The following NKAIN2 variants were observed in gnomAD, a reference collection of about 807,000 sequenced individuals.
The protein encoded by NKAIN2 is sodium/potassium transporting ATPase interacting 2.
Under a neutral mutation model 32.6 loss-of-function variants are expected in NKAIN2, and 14 were observed. The observed-to-expected ratio is 0.43, with a 90% CI of 0.28 to 0.67. The LOEUF (loss-of-function observed/expected upper bound fraction) is 0.67. Among genes scored for constraint, NKAIN2 ranks in the 30% least tolerant of loss-of-function variants. The probability of loss-of-function intolerance (pLI) is 0.17; values close to 1 mark genes in which losing one functional copy is unlikely to be tolerated. For synonymous variants in NKAIN2, 80 were observed against 87.2 expected, an observed-to-expected ratio of 0.92 and a Z score of 0.46; for missense variants, 198 against 258.3, an observed-to-expected ratio of 0.77 and a Z score of 1.60.
At chr6:124,301,156 A>G (rs375637519) in intron 2 of NKAIN2, among the ~76,000 whole-genome samples, 4 of 152,082 alleles carry the variant, frequency 2.6e-5, no homozygotes, top group Admixed American at 2.6e-4. Flanking sequence ...CCTACATCCT[A>G]GTCACTCTAG....
intron 1 of NKAIN2, among the ~76,000 whole-genome samples, chr6:123,839,066 G>A (rs1774751377): frequency 1.3e-5 from 2 of 152,156 alleles, no homozygotes; most frequent in South Asian, 4.1e-4. Context: ...CAAGAACAGA[G>A]GGCAGCAGCT....
At chr6:123,887,282 C>T (rs1241655119) in intron 1 of NKAIN2, among the ~76,000 whole-genome samples, 1 of 151,964 alleles carries the variant, frequency 6.6e-6, no homozygotes, top group Non-Finnish European at 1.5e-5. Flanking sequence ...TATCCATTCA[C>T]GAGGTCTACA....
At chr6:124,658,599 T>C in intron 4 of NKAIN2, 1 of 1,191,486 alleles carries the variant, frequency 8.4e-7, no homozygotes, top group Non-Finnish European at 1.2e-6. Flanking sequence ...TAAATACCCT[T>C]TGTTATCATC....
At chr6:124,751,227 T>G (rs1777703264) in intron 4 of NKAIN2, among the ~76,000 whole-genome samples, 1 of 152,062 alleles carries the variant, frequency 6.6e-6, no homozygotes, top group Non-Finnish European at 1.5e-5. Flanking sequence ...CCTTCTTGAT[T>G]ATTACATTTC....
At chr6:124,502,430 C>T (rs2114751702) in intron 3 of NKAIN2, among the ~76,000 whole-genome samples, 1 of 152,290 alleles carries the variant, frequency 6.6e-6, no homozygotes, top group Middle Eastern at 3.4e-3. Flanking sequence ...CACTCACGAT[C>T]AATTTCTTGT....
intron 3 of NKAIN2, among the ~76,000 whole-genome samples, chr6:124,404,243 T>A (rs1342011266): frequency 6.6e-6 from 1 of 152,112 alleles, no homozygotes; most frequent in Non-Finnish European, 1.5e-5. Context: ...ATAGGAGGAT[T>A]TCTCTACTTC....
At chr6:124,350,084 A>G (rs1207249519) in intron 2 of NKAIN2, among the ~76,000 whole-genome samples, 1 of 152,222 alleles carries the variant, frequency 6.6e-6, no homozygotes, top group Admixed American at 6.5e-5. Context: ...GTTTTATAGC[A>G]GAAAACTACA....
intron 3 of NKAIN2, among the ~76,000 whole-genome samples, chr6:124,620,974 C>CT (rs1783083901): frequency 6.6e-6 from 1 of 152,124 alleles, no homozygotes; most frequent in Admixed American, 6.5e-5. Flanking sequence ...GTAAAAGTTG[C>CT]TTTTTTCTCT....
At chr6:123,957,658 T>C (rs1215735676) in intron 1 of NKAIN2, among the ~76,000 whole-genome samples, 1 of 152,226 alleles carries the variant, frequency 6.6e-6, no homozygotes, top group Admixed American at 6.5e-5. Context: ...TGTTTACAAA[T>C]ATATTAATCC....
intron 2 of NKAIN2, among the ~76,000 whole-genome samples, chr6:124,319,898 T>C (rs1188937203): frequency 6.6e-6 from 1 of 152,138 alleles, no homozygotes; most frequent in African/African-American, 2.4e-5. Flanking sequence ...CTAATTAGTA[T>C]CATCCAGATC....
intron 4 of NKAIN2, among the ~76,000 whole-genome samples, chr6:124,735,843 C>G (rs1389123550): frequency 6.6e-6 from 1 of 151,856 alleles, no homozygotes; most frequent in Admixed American, 6.6e-5. Context: ...ATTCCCCCAT[C>G]TCTCTCCCTT....
At chr6:124,648,322 A>C in intron 3 of NKAIN2, among the ~76,000 whole-genome samples, 1 of 152,240 alleles carries the variant, frequency 6.6e-6, no homozygotes, top group Non-Finnish European at 1.5e-5. Flanking sequence ...ATTACATTTC[A>C]AAGGGATATC....
At chr6:124,639,353 C>T (rs1325559484) in intron 3 of NKAIN2, among the ~76,000 whole-genome samples, 2 of 152,116 alleles carry the variant, frequency 1.3e-5, no homozygotes, top group East Asian at 3.9e-4. Context: ...TAAGAAAATA[C>T]GGTGTATATA....
intron 3 of NKAIN2, among the ~76,000 whole-genome samples, chr6:124,505,976 A>G (rs750480121): frequency 2.0e-5 from 3 of 152,142 alleles, no homozygotes; most frequent in African/African-American, 4.8e-5. Context: ...GACCGAGACC[A>G]TCCTGGCTAA....
At chr6:124,643,677 G>C (rs1019773690) in intron 3 of NKAIN2, among the ~76,000 whole-genome samples, 4 of 152,080 alleles carry the variant, frequency 2.6e-5, no homozygotes, top group Non-Finnish European at 5.9e-5. Flanking sequence ...TAACTAACTT[G>C]ATAACTCTAG....
At chr6:124,569,559 T>C (rs1781049127) in intron 3 of NKAIN2, among the ~76,000 whole-genome samples, 1 of 152,088 alleles carries the variant, frequency 6.6e-6, no homozygotes, top group Non-Finnish European at 1.5e-5. Context: ...GCTATTCCCG[T>C]GACCGTGAAT....
intron 1 of NKAIN2, among the ~76,000 whole-genome samples, chr6:124,223,490 A>G (rs1791943621): frequency 6.6e-6 from 1 of 151,840 alleles, no homozygotes; most frequent in Non-Finnish European, 1.5e-5. Context: ...CCCTTCCTGG[A>G]CTCTGTTTTT....
At chr6:124,358,726 T>A (rs1431064763) in intron 3 of NKAIN2, among the ~76,000 whole-genome samples, 4 of 151,960 alleles carry the variant, frequency 2.6e-5, no homozygotes, top group Non-Finnish European at 5.9e-5. Flanking sequence ...GTAGGTTGCC[T>A]GTTCACTCTG....
intron 3 of NKAIN2, among the ~76,000 whole-genome samples, chr6:124,386,060 TG>T (rs1772885756): frequency 6.6e-6 from 1 of 151,886 alleles, no homozygotes; most frequent in Non-Finnish European, 1.5e-5. Context: ...TGAAGAAAAA[TG>T]GGTGTCCTTT....
Sources: allele counts gnomAD v4.1 joint callset (sites outside exome capture counted in the v4.1 genomes callset), GRCh38; gene constraint gnomAD v4.1.1; transcripts MANE v1.5; gene names NCBI Gene and HGNC (gene_info 2026-07-23, HGNC 2026-07-21).